The following SOX5 variants were observed in gnomAD, a reference collection of about 807,000 sequenced individuals.
SOX5 encodes SRY-box transcription factor 5.
Under a neutral mutation model 92.0 loss-of-function variants are expected in SOX5, and 9 were observed. That is an observed-to-expected ratio of 0.10 (90% confidence interval 0.06 to 0.17). SOX5 has a LOEUF of 0.17. Among genes scored for constraint, SOX5 ranks in the 10% least tolerant of loss-of-function variants. The pLI is 1.00. For missense variants in SOX5, 642 were observed against 944.5 expected, an observed-to-expected ratio of 0.68 and a Z score of 4.20; for synonymous variants, 344 against 336.3, an observed-to-expected ratio of 1.02 and a Z score of -0.25.
intron 1 of SOX5, among the ~76,000 whole-genome samples, chr12:24,405,054 A>C (rs1962608324): frequency 6.6e-6 from 1 of 152,154 alleles, no homozygotes; most frequent in Admixed American, 6.5e-5. Flanking sequence ...TGCAGCCGTC[A>C]GAAGGAAACT....
chr12:23,756,065 T>C (rs80245165), intron 3 of SOX5, among the ~76,000 whole-genome samples: 62 of 151,862 alleles, frequency 4.1e-4, no homozygotes, highest in Non-Finnish European at 7.5e-4. Context: ...AGTCAAAAAA[T>C]AATTATGTTG....
intron 3 of SOX5, among the ~76,000 whole-genome samples, chr12:23,817,775 G>T (rs2096024825): frequency 6.6e-6 from 1 of 152,164 alleles, no homozygotes; most frequent in African/African-American, 2.4e-5. Flanking sequence ...AGAGCCTCCT[G>T]TGCTTCCTCA....
At chr12:24,245,742 A>G (rs1420263579) in intron 3 of SOX5, among the ~76,000 whole-genome samples, 2 of 152,208 alleles carry the variant, frequency 1.3e-5, no homozygotes, top group Admixed American at 1.3e-4. Context: ...AACAATAACA[A>G]AATTTGGCTA....
At chr12:23,880,048 A>C (rs2096970794) in intron 2 of SOX5, among the ~76,000 whole-genome samples, 1 of 152,202 alleles carries the variant, frequency 6.6e-6, no homozygotes, top group Admixed American at 6.5e-5. Context: ...CCCCAGTGTG[A>C]GGATGCACCA....
chr12:24,553,031 C>CA (rs1265517117), intron 1 of SOX5, among the ~76,000 whole-genome samples: 1 of 152,086 alleles, frequency 6.6e-6, no homozygotes, highest in Non-Finnish European at 1.5e-5. Flanking sequence ...GAACTTGTCT[C>CA]AAAAAATAAG....
intron 2 of SOX5, among the ~76,000 whole-genome samples, chr12:24,348,208 C>A (rs144574355): frequency 6.6e-6 from 1 of 151,830 alleles, no homozygotes; most frequent in South Asian, 2.1e-4. Flanking sequence ...CTAAAGTTTG[C>A]GATCTCCTAA....
At chr12:24,485,628 A>G (rs1566282332) in intron 1 of SOX5, among the ~76,000 whole-genome samples, 1 of 152,308 alleles carries the variant, frequency 6.6e-6, no homozygotes, top group East Asian at 1.9e-4. Context: ...AAATGTATCT[A>G]AAGAGCACCT....
At position 23,837,150 on chromosome 12, in the gene SOX5, A is replaced by G. The variant is rs181654574; in HGVS notation, c.481+8833T>C. On this transcript the variant is annotated intron_variant, in intron 3 of 14. Coordinates refer to ENST00000451604, the MANE Select transcript of SOX5 (RefSeq NM_006940.6). ...GAAGTCATTGAAGCCAATGTAGCTT[A>G]CCAGTTGTTGGAAGAGTCGTATACA... is the stretch of plus-strand genomic sequence containing the variant. 3.5e-5 allele frequency among the ~76,000 whole-genome samples: 5 copies of G among 144,554 alleles called. No homozygotes were observed. In the East Asian group the frequency reaches 7.8e-4, roughly 23 times the overall value. 94.8% of individuals were successfully genotyped at this position (144,554 alleles called of 152,430 possible).
chr12:23,959,007 G>A (rs1946591664), intron 4 of SOX5, among the ~76,000 whole-genome samples: 1 of 151,624 alleles, frequency 6.6e-6, no homozygotes, highest in South Asian at 2.1e-4. Flanking sequence ...TCACATACAA[G>A]ACCTATTTAA....
chr12:24,202,280 A>G (rs1204423357), intron 4 of SOX5, among the ~76,000 whole-genome samples: 1 of 152,228 alleles, frequency 6.6e-6, no homozygotes, highest in Admixed American at 6.5e-5. Context: ...AATGGATAAT[A>G]AAGATGAATG....
intron 2 of SOX5, among the ~76,000 whole-genome samples, chr12:23,890,442 AC>A (rs1452735905): frequency 6.6e-6 from 1 of 152,226 alleles, no homozygotes; most frequent in Admixed American, 6.5e-5. Flanking sequence ...TTATTCAACA[AC>A]CACAGGTGGT....
At chr12:24,255,703 G>C (rs910508672) in intron 3 of SOX5, among the ~76,000 whole-genome samples, 7 of 152,198 alleles carry the variant, frequency 4.6e-5, no homozygotes, top group African/African-American at 1.2e-4. Flanking sequence ...AATGAATAGA[G>C]AGGTAGGTCC....
chr12:23,800,910 G>C (rs1053217529), intron 3 of SOX5, among the ~76,000 whole-genome samples: 1 of 152,064 alleles, frequency 6.6e-6, no homozygotes, highest in Admixed American at 6.6e-5. Context: ...AAAAGCATTT[G>C]GTCACCTGGA....
At chr12:23,665,854 G>A (rs1458670517) in intron 6 of SOX5, among the ~76,000 whole-genome samples, 1 of 152,104 alleles carries the variant, frequency 6.6e-6, no homozygotes, top group Non-Finnish European at 1.5e-5. Flanking sequence ...TGCATGATAA[G>A]CCTTTTTCTT....
At chr12:24,492,168 C>G (rs1947157719) in intron 1 of SOX5, among the ~76,000 whole-genome samples, 1 of 152,108 alleles carries the variant, frequency 6.6e-6, no homozygotes, top group South Asian at 2.1e-4. Flanking sequence ...TAGCTTTGTA[C>G]CTTTCAAACT....
intron 3 of SOX5, among the ~76,000 whole-genome samples, chr12:23,801,843 G>T (rs1370750362): frequency 6.6e-6 from 1 of 152,046 alleles, no homozygotes. Context: ...ACAAACTAGA[G>T]ATTTTAGCTA....
chr12:24,244,048 T>TAAAAAA (rs3031151), intron 3 of SOX5, among the ~76,000 whole-genome samples: 3 of 131,598 alleles, frequency 2.3e-5, no homozygotes, highest in Admixed American at 7.6e-5. Flanking sequence ...GGCATATTGA[T>TAAAAAA]AAAAAAAAAA....
intron 1 of SOX5, among the ~76,000 whole-genome samples, chr12:24,471,372 C>T (rs1944804122): frequency 6.6e-6 from 1 of 152,098 alleles, no homozygotes; most frequent in Non-Finnish European, 1.5e-5. Context: ...AACATGTTAA[C>T]ACATGCTATT....
chr12:24,284,922 C>T (rs976513343), intron 2 of SOX5, among the ~76,000 whole-genome samples: 6 of 152,128 alleles, frequency 3.9e-5, no homozygotes, highest in South Asian at 2.1e-4. Context: ...GTCAGGAGTT[C>T]GAGACCAGCC....
Sources: gnomAD v4.1 joint callset for allele counts (sites outside exome capture counted in the v4.1 genomes callset) on GRCh38, gnomAD v4.1.1 for gene constraint, MANE v1.5 for transcripts, NCBI Gene and HGNC (gene_info 2026-07-23, HGNC 2026-07-21) for gene names.